Variants in ARMC7 observed in about 807,000 individuals in gnomAD.
The protein encoded by ARMC7 is armadillo repeat containing 7, also known as armadillo repeat-containing protein 7.
Under a neutral mutation model 14.8 loss-of-function variants are expected in ARMC7, and 9 were observed. The observed-to-expected ratio is 0.61, with a 90% CI of 0.37 to 1.06. The LOEUF is 1.06. Among genes scored for constraint, ARMC7 ranks in the 50% least tolerant of loss-of-function variants. ARMC7 has a pLI of 0.01. For synonymous variants in ARMC7, 125 were observed against 123.4 expected, an observed-to-expected ratio of 1.01 and a Z score of -0.09; for missense variants, 262 against 267.1, an observed-to-expected ratio of 0.98 and a Z score of 0.13.
At chr17:75,110,703 CT>C (rs2073912140) in intron 2 of ARMC7, 97 bp downstream of exon 2, 2 of 1,485,224 alleles carry the variant, frequency 1.3e-6, no homozygotes, top group Non-Finnish European at 1.8e-6. Context: ...TGGCTCACAC[CT>C]GTAATCCCAG....
rs922236860 is a variant in ARMC7 at position 75,126,858 on chromosome 17, C to T, written c.236-1819C>T. 1.3e-4 allele frequency among the ~76,000 whole-genome samples: 20 copies of T among 152,008 alleles called. 2 individuals carry two copies. Among genetic ancestry groups the T allele is most frequent in the Admixed American group, 9.8e-4 (15 of 15,270 alleles). On this transcript the variant is annotated intron_variant, in intron 2 of 2. Transcript: ENST00000245543. ...GGTGGAACACCTGAGGTCAGGAGTTCGAGACCAGCCTGGCCAACATGGTGA... is the reference window on the plus strand; with the variant it reads ...GGTGGAACACCTGAGGTCAGGAGTTTGAGACCAGCCTGGCCAACATGGTGA...
rs540300515 is a variant in ARMC7 at position 75,110,137 on chromosome 17, C to T, written c.-152C>T. The stretch of plus-strand genomic sequence containing the variant: ...ATATCCCATTTCCAGCTGCAAATTA[C>T]TGCAGAATCTGAACCCAGGAAAGAA... On this transcript the variant is annotated 5_prime_UTR_variant, in exon 1 of 3. Coordinates refer to ENST00000245543, the MANE Select transcript of ARMC7 (RefSeq NM_024585.4). 1.4e-4 allele frequency: 93 copies of T among 686,020 alleles called. 1 individual carries two copies. In the South Asian group the frequency reaches 1.7e-3, roughly 13 times the overall value. 42.5% of individuals were successfully genotyped at this position (686,020 alleles called of 1,614,324 possible). A position where few individuals can be genotyped will look rare whatever the true frequency, so the allele number is the denominator to read the frequency against.
intron 2 of ARMC7, among the ~76,000 whole-genome samples, chr17:75,128,148 C>T (rs2074065592): frequency 6.6e-6 from 1 of 152,048 alleles, no homozygotes; most frequent in Admixed American, 6.6e-5. Flanking sequence ...AATCTCGGCT[C>T]ACTGCAACCT....
chr17:75,130,267 T>A lies in ARMC7; in HGVS notation c.*1229T>A. 5.2e-6 allele frequency: 3 copies of A among 581,540 alleles called. No individual in the cohort carries two copies. The highest frequency in any genetic ancestry group is 2.1e-5 in the South Asian group (1 of 47,586). The allele number at this position is 581,540 out of a possible 1,614,324, so 36.0% of individuals were successfully genotyped here. ...CTTTTATTAAAGGTCCCGACTGGTT[T>A]TCCCACTGTATTTCCATGCCAGCCA... On this transcript the variant is annotated 3_prime_UTR_variant, in exon 3 of 3. Coordinates refer to ENST00000245543, the MANE Select transcript of ARMC7 (RefSeq NM_024585.4).
At chr17:75,128,611 ACGGGCAGG>A (rs2074071191) in intron 2 of ARMC7, 58 bp from the exon 3 acceptor site, 1 of 1,548,418 alleles carries the variant, frequency 6.5e-7, no homozygotes, top group Admixed American at 1.9e-5. Context: ...CCTGGGGCTC[ACGGGCAGG>A]GGAGGTGGGA....
chr17:75,126,221 G>A (rs542385434), intron 2 of ARMC7, among the ~76,000 whole-genome samples: 13 of 152,282 alleles, frequency 8.5e-5, no homozygotes, highest in South Asian at 4.1e-4. Flanking sequence ...TCATCTTCCC[G>A]CAGGGAGCAG....
At chr17:75,128,651 C>G in intron 2 of ARMC7, 26 bp from the exon 3 acceptor site, 1 of 1,595,132 alleles carries the variant, frequency 6.3e-7, no homozygotes, top group South Asian at 1.1e-5. Context: ...GCTACAGCAT[C>G]CAGACTCTTC....
intron 2 of ARMC7, among the ~76,000 whole-genome samples, chr17:75,116,366 G>A (rs968921371): frequency 6.6e-6 from 1 of 152,196 alleles, no homozygotes; most frequent in Non-Finnish European, 1.5e-5. Context: ...GGTGGCTGAC[G>A]CTTGTAATCC....
intron 2 of ARMC7, chr17:75,114,231 G>A: frequency 2.5e-6 from 1 of 401,272 alleles, no homozygotes; most frequent in East Asian, 3.6e-5. Context: ...CTCCACCAGG[G>A]GGCGATAGAG....
At chr17:75,128,071 T>TTTTA (rs986393285) in intron 2 of ARMC7, among the ~76,000 whole-genome samples, 1 of 152,020 alleles carries the variant, frequency 6.6e-6, no homozygotes. Flanking sequence ...GGTTTTAGTT[T>TTTTA]TTTATTTATT....
intron 2 of ARMC7, among the ~76,000 whole-genome samples, chr17:75,117,316 A>G (rs1257148513): frequency 2.0e-5 from 3 of 152,158 alleles, no homozygotes; most frequent in Non-Finnish European, 4.4e-5. Flanking sequence ...ACCTCAGGTG[A>G]TCCGCCCGCC....
rs527990938 is a variant in ARMC7 at position 75,113,458 on chromosome 17, C to A, written c.235+2852C>A. 5.3e-5 allele frequency among the ~76,000 whole-genome samples: 8 copies of A among 151,300 alleles called. No homozygotes were observed. In the East Asian group the frequency reaches 1.6e-3, roughly 30 times the overall value. On this transcript the variant is annotated intron_variant, in intron 2 of 2. Transcript: ENST00000245543. ...CAAGCTCCGCCTCCCGGGTTCACGCCATTCTCCTGCCTCAGCCTCCCAAGT... is the reference window on the plus strand; with the variant it reads ...CAAGCTCCGCCTCCCGGGTTCACGCAATTCTCCTGCCTCAGCCTCCCAAGT...
intron 2 of ARMC7, among the ~76,000 whole-genome samples, chr17:75,115,869 C>A (rs981517131): frequency 1.3e-5 from 2 of 152,176 alleles, no homozygotes; most frequent in Non-Finnish European, 2.9e-5. Context: ...TTAAATGAAA[C>A]ACCACAGTGC....
chr17:75,123,659 C>T (rs1238103097), intron 2 of ARMC7, among the ~76,000 whole-genome samples: 3 of 152,182 alleles, frequency 2.0e-5, no homozygotes, highest in African/African-American at 2.4e-5. Flanking sequence ...CAATGGCTCA[C>T]GCCTTTCATC....
intron 2 of ARMC7, chr17:75,114,277 T>C: frequency 2.5e-6 from 1 of 400,932 alleles, no homozygotes; most frequent in Non-Finnish European, 4.4e-6. Context: ...TGGAGAAAAA[T>C]TGGCGGAAGT....
At chr17:75,117,372 C>T (rs1009723458) in intron 2 of ARMC7, among the ~76,000 whole-genome samples, 2 of 152,192 alleles carry the variant, frequency 1.3e-5, no homozygotes, top group Non-Finnish European at 2.9e-5. Context: ...CCACTGTGCC[C>T]AGCCAAAAGT....
rs139615743 is a variant in ARMC7 at position 75,125,537 on chromosome 17, C to G, written c.236-3140C>G. On this transcript the variant is annotated intron_variant, in intron 2 of 2. Transcript: ENST00000245543. Reference sequence around the variant, plus strand: ...GAATTTACTCCACATGCAGTGGGATCCTTTAATAATGTTCCCCCAGCTGGG... The same window carrying G: ...GAATTTACTCCACATGCAGTGGGATGCTTTAATAATGTTCCCCCAGCTGGG... Among the ~76,000 whole-genome samples the G allele has an allele frequency of 1.2e-4, 18 of 152,166 alleles. No homozygotes were observed. In the East Asian group the frequency reaches 2.9e-3, roughly 24 times the overall value.
chr17:75,129,327 G>A lies in ARMC7; in HGVS notation c.*289G>A, dbSNP rs546610190. 6.1e-5 allele frequency: 30 copies of A among 494,676 alleles called. No individual in the cohort carries two copies. The highest frequency in any genetic ancestry group is 2.7e-4 in the African/African-American group (14 of 51,954). The allele number at this position is 494,676 out of a possible 1,614,324, so 30.6% of individuals were successfully genotyped here. A position where few individuals can be genotyped will look rare whatever the true frequency, so the allele number is the denominator to read the frequency against. ...AGACTCAGGCCCTGGTGTAAGAAGC[G>A]GCCAAGTGCCTGGACCCAGAGGCTT... On this transcript the variant is annotated 3_prime_UTR_variant, in exon 3 of 3. Transcript: ENST00000245543.
chr17:75,124,744 G>A (rs1435637380), intron 2 of ARMC7, among the ~76,000 whole-genome samples: 1 of 151,682 alleles, frequency 6.6e-6, no homozygotes, highest in African/African-American at 2.4e-5. Context: ...AGGGGCAGAA[G>A]GCTCCCATCT....
Sources: gnomAD v4.1 joint callset for allele counts (sites outside exome capture counted in the v4.1 genomes callset) on GRCh38, gnomAD v4.1.1 for gene constraint, MANE v1.5 for transcripts, NCBI Gene and HGNC (gene_info 2026-07-23, HGNC 2026-07-21) for gene names.